Variants in MEF2B observed in about 807,000 individuals in gnomAD.
MEF2B encodes the protein myocyte enhancer factor 2B, also known as myocyte-specific enhancer factor 2B.
A neutral mutation model predicts 32.2 loss-of-function variants in MEF2B; 15 were observed. The observed-to-expected ratio is 0.47, with a 90% CI of 0.31 to 0.72. MEF2B has a LOEUF of 0.72. Among genes scored for constraint, MEF2B ranks in the 30% least tolerant of loss-of-function variants. The pLI, the probability that MEF2B is intolerant of heterozygous loss-of-function variation, is 0.05. For missense variants in MEF2B, 441 were observed against 511.5 expected (o/e 0.86, Z 1.33); for synonymous variants, 205 against 225.6 (o/e 0.91, Z 0.82).
intron 5 of MEF2B, 44 bp from the exon 6 acceptor site, chr19:19,146,919 G>A (rs896315778): frequency 2.5e-6 from 4 of 1,591,240 alleles, no homozygotes; most frequent in Non-Finnish European, 2.6e-6. Flanking sequence ...GGCAGGCCAT[G>A]TCAACTAATG....
At position 19,146,348 on chromosome 19, in the gene MEF2B, A is replaced by C; in HGVS notation, c.806T>G (p.Leu269Trp). ...GGGGGCCAGGGTGGGGGGCTGCAACAAGCCAGGGGGCGGTGGAGGGTCTCC... is the reference window on the plus strand; with the variant it reads ...GGGGGCCAGGGTGGGGGGCTGCAACCAGCCAGGGGGCGGTGGAGGGTCTCC... ...GLGDPPPPPG[L>W]LQPPTLAPWQ... The change falls in exon 8 of 9, where the codon TTG becomes TGG. Residue 269 changes from leucine (L) to tryptophan (W), a missense_variant. By Grantham distance (61) the Leu-to-Trp change is moderately conservative. This residue lies in a region of MEF2B where 326 missense variants were observed against 328.4 expected (regional missense o/e 0.99). Transcript: ENST00000424583. The C allele has an allele frequency of 1.8e-6, 2 of 1,135,160 alleles. No homozygotes were observed. The highest frequency in any genetic ancestry group is 3.6e-5 in the Admixed American group (1 of 27,654). The allele number at this position is 1,135,160 out of a possible 1,614,324, so 70.3% of individuals were successfully genotyped here.
intron 1 of MEF2B, among the ~76,000 whole-genome samples, chr19:19,155,337 T>G (rs1314629477): frequency 6.6e-6 from 1 of 152,096 alleles, no homozygotes; most frequent in Non-Finnish European, 1.5e-5. Flanking sequence ...AAAAACCCAT[T>G]CCTCTAGGAA....
Position 19,147,851 on chromosome 19 carries a change from A to T in MEF2B, c.259-19T>A, listed in dbSNP as rs772995904. The T allele has an allele frequency of 5.0e-6, 8 of 1,611,116 alleles. No homozygotes were observed. The Admixed American group carries it at 1.2e-4, about 24-fold the overall frequency. On this transcript the variant is annotated intron_variant, in intron 3 of 8. Transcript: ENST00000424583. ...TCAGCGTCTATGGGGACAGGAGACA[A>T]CAGGGTAGACCCTTACCCCTACCCC...
chr19:19,163,633 CA>C (rs1289591547), intron 1 of MEF2B, among the ~76,000 whole-genome samples: 2 of 152,102 alleles, frequency 1.3e-5, no homozygotes, highest in Non-Finnish European at 2.9e-5. Context: ...GAAACACTGC[CA>C]ACTTGCTCAG....
intron 1 of MEF2B, among the ~76,000 whole-genome samples, chr19:19,169,802 A>T (rs2060239286): frequency 6.6e-6 from 1 of 152,140 alleles, no homozygotes; most frequent in African/African-American, 2.4e-5. Flanking sequence ...AAGAAGGCAT[A>T]GGGTTGTGCA....
At chr19:19,152,313 C>A (rs2060089304) in intron 1 of MEF2B, among the ~76,000 whole-genome samples, 1 of 147,580 alleles carries the variant, frequency 6.8e-6, no homozygotes, top group South Asian at 2.1e-4. Context: ...GTAGTCCCAG[C>A]CACTTGGGAG....
chr19:19,157,866 A>C (rs2060130648), intron 1 of MEF2B, among the ~76,000 whole-genome samples: 1 of 152,000 alleles, frequency 6.6e-6, no homozygotes, highest in Non-Finnish European at 1.5e-5. Context: ...CAAAAAACAA[A>C]AAACCCTCAC....
At chr19:19,149,740 A>G (rs1009987197) in intron 2 of MEF2B, among the ~76,000 whole-genome samples, 4 of 150,606 alleles carry the variant, frequency 2.7e-5, no homozygotes, top group East Asian at 2.0e-4. Flanking sequence ...CATCTCCCCT[A>G]TGGCTGGGGT....
chr19:19,155,230 G>A (rs1044571026), intron 1 of MEF2B, among the ~76,000 whole-genome samples: 1 of 152,190 alleles, frequency 6.6e-6, no homozygotes, highest in Admixed American at 6.6e-5. Context: ...ATCAGCTCTT[G>A]CCTACTTCTC....
intron 1 of MEF2B, among the ~76,000 whole-genome samples, chr19:19,153,523 C>A (rs189314635): frequency 6.6e-6 from 1 of 152,050 alleles, no homozygotes; most frequent in South Asian, 2.1e-4. Context: ...GTGGCATGAT[C>A]TTGGCTCACT....
intron 1 of MEF2B, among the ~76,000 whole-genome samples, chr19:19,165,835 T>C (rs1218161491): frequency 6.6e-6 from 1 of 152,102 alleles, no homozygotes; most frequent in African/African-American, 2.4e-5. Flanking sequence ...ATGACTCTTA[T>C]TACAATCCAC....
rs757104393 is a variant in MEF2B at position 19,149,305 on chromosome 19, G to A, written c.179C>T (p.Thr60Met). The A allele has an allele frequency of 5.6e-6, 9 of 1,613,820 alleles. No homozygotes were observed. Among genetic ancestry groups the A allele is most frequent in the East Asian group, 4.5e-5 (2 of 44,782 alleles). Residue 60 changes from threonine (T) to methionine (M), a missense_variant, in exon 3 of 9, where the codon ACG becomes ATG. Physicochemically the swap from Thr to Met is moderately conservative, Grantham distance 81 (BLOSUM62 -1). Around this residue, in one of 2 missense-constraint regions of MEF2B, gnomAD observed 115 missense variants for 183.1 expected, o/e 0.63. Coordinates refer to ENST00000424583, the MANE Select transcript of MEF2B (RefSeq NM_001145785.2). ...CTTCAGCAGCACACGGTCCATGTCC[G>A]TGCTGGCATACTGGAAGAGGCGGTT... is the stretch of plus-strand genomic sequence containing the variant. ...SANRLFQYAS[T>M]DMDRVLLKYT... is the part of the protein sequence containing the mutation.
chr19:19,146,148 T>C (rs2060024015), intron 8 of MEF2B, 125 bp downstream of exon 8: 5 of 931,112 alleles, frequency 5.4e-6, no homozygotes, highest in Non-Finnish European at 7.6e-6. Context: ...GCGGTCCCTC[T>C]TGGGGCCTCA....
intron 1 of MEF2B, among the ~76,000 whole-genome samples, chr19:19,164,767 G>A (rs1294564344): frequency 2.0e-5 from 3 of 152,148 alleles, no homozygotes; most frequent in African/African-American, 7.2e-5. Context: ...AGCCCATGGA[G>A]CCAAGACAGA....
chr19:19,162,852 C>A (rs2060175867), intron 1 of MEF2B, among the ~76,000 whole-genome samples: 1 of 152,232 alleles, frequency 6.6e-6, no homozygotes, highest in African/African-American at 2.4e-5. Context: ...CTGCGTGATA[C>A]TTTCTGAGCC....
chr19:19,151,279 C>T (rs1158862844), intron 1 of MEF2B, among the ~76,000 whole-genome samples: 1 of 151,974 alleles, frequency 6.6e-6, no homozygotes, highest in African/African-American at 2.4e-5. Flanking sequence ...ATAATAGAAA[C>T]GCCTCCTGCT....
intron 1 of MEF2B, chr19:19,157,137 G>C (rs977375861): frequency 9.7e-6 from 2 of 205,732 alleles, no homozygotes; most frequent in Non-Finnish European, 2.3e-5. Context: ...CAGCTCTCAT[G>C]CATTGCTGGT....
rs1365568670 is a variant in MEF2B at position 19,150,202 on chromosome 19, A to AGGAAGGAG, written c.54+472_54+479dup. Among the ~76,000 whole-genome samples the AGGAAGGAG allele has an allele frequency of 6.2e-5, 8 of 129,474 alleles. No homozygotes were observed. In the East Asian group the frequency reaches 1.3e-3, roughly 22 times the overall value. 84.9% of individuals were successfully genotyped at this position (129,474 alleles called of 152,430 possible). On this transcript the variant is annotated intron_variant, in intron 2 of 8. Coordinates refer to ENST00000424583, the MANE Select transcript of MEF2B (RefSeq NM_001145785.2). ...AGGGAGGGAAGGAAGGAAGGAAGGA[A>AGGAAGGAG]GGAAGGAGGGAAGGAGGGAGGGAGG...
chr19:19,167,648 T>TTGCATTTTCC (rs1429872566), intron 1 of MEF2B, among the ~76,000 whole-genome samples: 28 of 152,332 alleles, frequency 1.8e-4, no homozygotes, highest in African/African-American at 6.7e-4. Flanking sequence ...TCTTCTTAAT[T>TTGCATTTTCC]TGCATTTTCC....
Sources: allele counts gnomAD v4.1 joint callset (sites outside exome capture counted in the v4.1 genomes callset), GRCh38; gene constraint gnomAD v4.1.1; regional missense constraint gnomAD v4.1.1; transcripts MANE v1.5; gene names NCBI Gene and HGNC (gene_info 2026-07-23, HGNC 2026-07-21).